The following RALA variants were observed in gnomAD, a reference collection of about 807,000 sequenced individuals.
RALA encodes the protein RAS like proto-oncogene A, also known as ras-related protein Ral-A.
Under a neutral mutation model 24.0 loss-of-function variants are expected in RALA, and 5 were observed. That is an observed-to-expected ratio of 0.21 (90% CI 0.11 to 0.44). RALA has a LOEUF of 0.44. Ranked by LOEUF, RALA falls within the 20% of genes least tolerant of loss-of-function variation. RALA has a pLI of 0.99. For missense variants in RALA, 95 were observed against 241.2 expected, an observed-to-expected ratio of 0.39 and a Z score of 4.01; for synonymous variants, 77 against 83.8, an observed-to-expected ratio of 0.92 and a Z score of 0.44.
intron 1 of RALA, among the ~76,000 whole-genome samples, chr7:39,625,058 A>AAAGAGCCCTAAAGAGC (rs1354449542): frequency 8.5e-5 from 13 of 152,240 alleles, no homozygotes; most frequent in Non-Finnish European, 1.5e-4. Context: ...GCCATGTCCT[A>AAAGAGCCCTAAAGAGC]CTTATGACTG....
chr7:39,700,053 T>C (rs1792996128), intron 4 of RALA, among the ~76,000 whole-genome samples: 1 of 152,064 alleles, frequency 6.6e-6, no homozygotes, highest in African/African-American at 2.4e-5. Flanking sequence ...TAGGTAGAGA[T>C]TTTGGGATCC....
intron 4 of RALA, among the ~76,000 whole-genome samples, chr7:39,704,761 C>T (rs1793087812): frequency 6.6e-6 from 1 of 152,088 alleles, no homozygotes; most frequent in Admixed American, 6.5e-5. Flanking sequence ...GTGCAACCTC[C>T]ACCTCCTGGG....
intron 1 of RALA, among the ~76,000 whole-genome samples, chr7:39,654,361 G>A (rs1244712167): frequency 6.6e-6 from 1 of 152,096 alleles, no homozygotes; most frequent in African/African-American, 2.4e-5. Flanking sequence ...CTTTGATGGG[G>A]CTTACAGACA....
chr7:39,664,227 T>A (rs1792247410), intron 1 of RALA, among the ~76,000 whole-genome samples: 1 of 152,204 alleles, frequency 6.6e-6, no homozygotes, highest in African/African-American at 2.4e-5. Flanking sequence ...TGATCAGGGC[T>A]GCCCTTATCT....
At chr7:39,703,314 G>A (rs1016589765) in intron 4 of RALA, 3 of 152,132 alleles carry the variant, frequency 2.0e-5, no homozygotes, top group Admixed American at 6.5e-5. Flanking sequence ...CTAGTCTCTG[G>A]GGAAATAGAA....
chr7:39,646,643 T>C (rs914156085), intron 1 of RALA, among the ~76,000 whole-genome samples: 3 of 152,174 alleles, frequency 2.0e-5, no homozygotes, highest in African/African-American at 4.8e-5. Context: ...AGATTGAACA[T>C]TGAATAGACA....
intron 1 of RALA, among the ~76,000 whole-genome samples, chr7:39,626,516 T>C (rs950194393): frequency 2.0e-5 from 3 of 152,204 alleles, no homozygotes; most frequent in Non-Finnish European, 4.4e-5. Flanking sequence ...GGACATCAAG[T>C]GTGGCCTGGG....
At chr7:39,639,303 C>T (rs561581679) in intron 1 of RALA, among the ~76,000 whole-genome samples, 6 of 152,222 alleles carry the variant, frequency 3.9e-5, no homozygotes, top group African/African-American at 1.4e-4. Flanking sequence ...TTTTACTCAC[C>T]CAATCAGTGA....
At chr7:39,682,895 C>G (rs1477630612) in intron 1 of RALA, among the ~76,000 whole-genome samples, 2 of 152,192 alleles carry the variant, frequency 1.3e-5, no homozygotes, top group East Asian at 3.8e-4. Flanking sequence ...CCACCTCGGC[C>G]TCCCAAAGTG....
intron 1 of RALA, among the ~76,000 whole-genome samples, chr7:39,670,817 A>G (rs1163458302): frequency 1.3e-5 from 2 of 152,184 alleles, no homozygotes; most frequent in African/African-American, 4.8e-5. Context: ...CTGGGGTAAG[A>G]AAACTGCTTA....
chr7:39,656,018 C>A (rs1792090286), intron 1 of RALA, among the ~76,000 whole-genome samples: 1 of 152,184 alleles, frequency 6.6e-6, no homozygotes, highest in Admixed American at 6.5e-5. Flanking sequence ...GCTGAACTTA[C>A]ATAAAAAGGC....
At chr7:39,666,341 G>T (rs1204107248) in intron 1 of RALA, among the ~76,000 whole-genome samples, 1 of 152,174 alleles carries the variant, frequency 6.6e-6, no homozygotes, top group African/African-American at 2.4e-5. Context: ...AGGAGCTCAA[G>T]TTCCACCTGT....
intron 3 of RALA, among the ~76,000 whole-genome samples, chr7:39,695,429 T>G (rs1290209578): frequency 6.6e-6 from 1 of 152,010 alleles, no homozygotes; most frequent in Non-Finnish European, 1.5e-5. Flanking sequence ...TTTTTTTTTT[T>G]GAGACAGGAT....
intron 3 of RALA, among the ~76,000 whole-genome samples, chr7:39,693,346 C>T (rs1204703353): frequency 6.6e-6 from 1 of 152,066 alleles, no homozygotes; most frequent in Non-Finnish European, 1.5e-5. Context: ...CATATTTTCA[C>T]TCATAGGTGG....
intron 1 of RALA, among the ~76,000 whole-genome samples, chr7:39,684,469 G>A (rs1792660959): frequency 6.6e-6 from 1 of 152,084 alleles, no homozygotes; most frequent in Non-Finnish European, 1.5e-5. Flanking sequence ...ATATGGGAAT[G>A]ATTTATGGGT....
chr7:39,674,412 A>T (rs890653554), intron 1 of RALA, among the ~76,000 whole-genome samples: 1 of 152,164 alleles, frequency 6.6e-6, no homozygotes, highest in South Asian at 2.1e-4. Flanking sequence ...CCATTCTCGT[A>T]TCTGGTTTGA....
intron 1 of RALA, among the ~76,000 whole-genome samples, chr7:39,656,689 T>G (rs1459087475): frequency 6.6e-6 from 1 of 152,228 alleles, no homozygotes; most frequent in Non-Finnish European, 1.5e-5. Context: ...CTCTGGCTCA[T>G]TTATTTAAAC....
At chr7:39,688,501 A>G (rs1483250880) in intron 2 of RALA, among the ~76,000 whole-genome samples, 1 of 152,148 alleles carries the variant, frequency 6.6e-6, no homozygotes, top group East Asian at 1.9e-4. Flanking sequence ...TTAAGAGCTA[A>G]TCTTCTCTCA....
At chr7:39,681,302 C>CTTTTTTTTCTTTTTTTTTT (rs1792594918) in intron 1 of RALA, among the ~76,000 whole-genome samples, 1 of 50,008 alleles carries the variant, frequency 2.0e-5, no homozygotes, top group Non-Finnish European at 3.6e-5. Context: ...CACCCTATTC[C>CTTTTTTTTCTTTTTTTTTT]TTTTTTTTTT....
Sources: gnomAD v4.1 joint callset for allele counts (sites outside exome capture counted in the v4.1 genomes callset) on GRCh38, gnomAD v4.1.1 for gene constraint, MANE v1.5 for transcripts, NCBI Gene and HGNC (gene_info 2026-07-23, HGNC 2026-07-21) for gene names.